The following ZGRF1 variants were observed in gnomAD, a reference collection of about 807,000 sequenced individuals.
ZGRF1 encodes 5'-3' DNA helicase ZGRF1.
In ZGRF1, 196 loss-of-function variants were observed where a neutral mutation model predicts 203.5. The observed-to-expected ratio is 0.96, with a 90% CI of 0.86 to 1.08. ZGRF1 has a LOEUF of 1.08. ZGRF1 is among the 50% of genes least tolerant of loss of function. The probability of loss-of-function intolerance (pLI) is 0.00; values close to 1 mark genes in which losing one functional copy is unlikely to be tolerated. For missense variants in ZGRF1, 2,326 were observed against 2,416.3 expected (o/e 0.96, Z 0.78); for synonymous variants, 809 against 841.3 (o/e 0.96, Z 0.66).
At position 112,587,672 on chromosome 4, in the gene ZGRF1, C is replaced by A; in HGVS notation, c.3385G>T (p.Glu1129Ter). 1 of 1,613,158 alleles carries A rather than the reference C, an allele frequency of 6.2e-7. No individual in the cohort carries two copies. Among genetic ancestry groups the A allele is most frequent in the Non-Finnish European group, 8.5e-7 (1 of 1,179,518 alleles). The change falls in exon 12 of 28, where the codon GAA becomes TAA. Residue 1129 changes from glutamate (E) to a stop codon, truncating the protein, a stop_gained. Transcript: ENST00000505019. LOFTEE classifies it high-confidence loss of function. The stretch of plus-strand genomic sequence containing the variant: ...AGTGAAACATCCCCTGGATTCACTT[C>A]CCTAGATTCTTCAGAGAAAAAGGTT... The part of the protein sequence containing the change: ...NETFFSEESR[E>*]VNPGDVSLNN...
chr4:112,553,623 T>A (rs1560747808), intron 22 of ZGRF1, among the ~76,000 whole-genome samples: 1 of 152,234 alleles, frequency 6.6e-6, no homozygotes, highest in Non-Finnish European at 1.5e-5. Context: ...GTGAGTTGGA[T>A]CTATTCACGA....
intron 11 of ZGRF1, among the ~76,000 whole-genome samples, chr4:112,589,222 G>C (rs1747732454): frequency 6.6e-6 from 1 of 152,150 alleles, no homozygotes; most frequent in Non-Finnish European, 1.5e-5. Flanking sequence ...TATTCATCAA[G>C]AAGCAGAAGC....
Position 112,541,149 on chromosome 4 carries a change from G to C in ZGRF1, c.5718C>G (p.Ser1906Arg). 1 of 1,609,792 alleles carries C rather than the reference G, an allele frequency of 6.2e-7. No homozygotes were observed. Among genetic ancestry groups the C allele is most frequent in the South Asian group, 1.1e-5 (1 of 90,162 alleles). Residue 1906 changes from serine to arginine, a missense_variant, in exon 25 of 28, where the codon AGC becomes AGG. Transcript: ENST00000505019. ...GGGTTGGTAGCCATTCCAATAAAGG[G>C]CTCCGCTCTATTTCTGTTACACCAT... Reference protein sequence around the residue: ...LMNGVTEIERSPLLEWLPTLC... With the variant: ...LMNGVTEIERRPLLEWLPTLC...
In ZGRF1 at chr4:112,618,692, T is replaced by C. The variant is rs1247837042; in HGVS notation, c.1350A>G (p.Lys450=). Residue 450 remains lysine, a synonymous_variant, in exon 6 of 28, where the codon AAA becomes AAG. Coordinates refer to ENST00000505019, the MANE Select transcript of ZGRF1 (RefSeq NM_018392.5). The part of the protein sequence containing the change: ...PFNQNDKGCI[K]GSVLIKENAQ... The stretch of plus-strand genomic sequence containing the variant: ...CATTTTCTTTAATGAGAACTGATCC[T>C]TTAATGCACCCCTTGTCATTTTGAT... 2.5e-6 allele frequency: 4 copies of C among 1,612,404 alleles called. No individual in the cohort carries two copies. The highest frequency in any genetic ancestry group is 3.4e-6 in the Non-Finnish European group (4 of 1,179,608).
At chr4:112,632,939 G>C (rs1422831626) in intron 2 of ZGRF1, among the ~76,000 whole-genome samples, 1 of 152,232 alleles carries the variant, frequency 6.6e-6, no homozygotes, top group Non-Finnish European at 1.5e-5. Flanking sequence ...GTAGGTAACA[G>C]ATAGGGTTAC....
chr4:112,622,986 C>T (rs1565010), intron 4 of ZGRF1, among the ~76,000 whole-genome samples: 145,424 of 152,104 alleles, frequency 0.96, 69,563 homozygotes, highest in East Asian at 1. Context: ...CTCTCCGTTT[C>T]TCAGTAGGCT....
At chr4:112,557,727 G>C (rs1002989864) in intron 20 of ZGRF1, among the ~76,000 whole-genome samples, 2 of 152,194 alleles carry the variant, frequency 1.3e-5, no homozygotes, top group African/African-American at 4.8e-5. Flanking sequence ...CCTGCTCTTT[G>C]TCCTGGAGGG....
chr4:112,578,659 T>C (rs1745667153), intron 16 of ZGRF1, among the ~76,000 whole-genome samples: 1 of 123,028 alleles, frequency 8.1e-6, no homozygotes, highest in African/African-American at 2.8e-5. Context: ...GCAAATAAAC[T>C]AGAACATCTA....
chr4:112,541,830 A>T (rs1737679965), intron 24 of ZGRF1, among the ~76,000 whole-genome samples: 1 of 152,018 alleles, frequency 6.6e-6, no homozygotes, highest in South Asian at 2.1e-4. Flanking sequence ...CCTGGCCAAC[A>T]TTATGCTTTT....
rs372746292 is a variant in ZGRF1, at chr4:112,618,188, A to G, written c.1854T>C (p.Tyr618=). ...TLPSQFCDKT[Y]VGFDMGICKT... is the part of the protein sequence containing the mutation. ...TACATATTCCCATGTCAAAACCCAC[A>G]TAAGTTTTATCACAAAACTGTGATG... Residue 618 remains tyrosine (Y), a synonymous_variant, in exon 6 of 28, where the codon TAT becomes TAC. Coordinates refer to ENST00000505019, the MANE Select transcript of ZGRF1 (RefSeq NM_018392.5). 51 of 1,613,748 alleles carry G rather than the reference A, an allele frequency of 3.2e-5. No individual in the cohort carries two copies. The highest frequency in any genetic ancestry group is 5.3e-5 in the African/African-American group (4 of 74,920).
At chr4:112,588,794 CAGT>C (rs1170918274) in intron 11 of ZGRF1, among the ~76,000 whole-genome samples, 1 of 152,090 alleles carries the variant, frequency 6.6e-6, no homozygotes, top group African/African-American at 2.4e-5. Flanking sequence ...AGTAGCAGAG[CAGT>C]AGGTGAGCCA....
intron 15 of ZGRF1, among the ~76,000 whole-genome samples, chr4:112,582,295 T>C (rs1342361696): frequency 6.6e-6 from 1 of 152,044 alleles, no homozygotes; most frequent in Admixed American, 6.6e-5. Flanking sequence ...TTCCTTTTTT[T>C]TTTTTTTTTA....
chr4:112,584,699 CCA>C (rs1746867908), intron 14 of ZGRF1, among the ~76,000 whole-genome samples: 1 of 152,118 alleles, frequency 6.6e-6, no homozygotes, highest in South Asian at 2.1e-4. Flanking sequence ...ATATTTTAGT[CCA>C]CAGTTATATC....
chr4:112,626,737 G>A (rs140654444), intron 3 of ZGRF1, among the ~76,000 whole-genome samples: 2 of 152,200 alleles, frequency 1.3e-5, no homozygotes, highest in African/African-American at 4.8e-5. Context: ...TCCTTCCAGA[G>A]ATCTGGGTCT....
Position 112,585,712 on chromosome 4 carries a change from T to C in ZGRF1, c.3930A>G (p.Ile1310Met). The C allele has an allele frequency of 6.5e-7, 1 of 1,545,282 alleles. No individual in the cohort carries two copies. Among genetic ancestry groups the C allele is most frequent in the South Asian group, 1.2e-5 (1 of 80,956 alleles). Residue 1310 changes from isoleucine to methionine, a missense_variant, in exon 14 of 28, where the codon ATA becomes ATG. Coordinates refer to ENST00000505019, the MANE Select transcript of ZGRF1 (RefSeq NM_018392.5). Reference sequence around the variant, plus strand: ...GGTTTTGTGCTAACCCAAACAGCAATATATTTAGATGTTCTACAAAAAAAA... The same window carrying C: ...GGTTTTGTGCTAACCCAAACAGCAACATATTTAGATGTTCTACAAAAAAAA... ...FTSCLIEHLN[I>M]LLFGLAQNLQ...
intron 1 of ZGRF1, among the ~76,000 whole-genome samples, chr4:112,635,799 AC>A (rs1578521077): frequency 6.6e-6 from 1 of 151,858 alleles, no homozygotes. Context: ...CAGATTAGGA[AC>A]CCAGTATTTA....
At chr4:112,563,326 T>C in intron 16 of ZGRF1, 52 bp from the exon 17 acceptor site, 1 of 1,351,360 alleles carries the variant, frequency 7.4e-7, no homozygotes, top group Non-Finnish European at 1.0e-6. Context: ...AGTATGGTTT[T>C]ATATTTTTAG....
In ZGRF1 at chr4:112,619,675, G is replaced by A. The variant is rs954347143; in HGVS notation, c.367C>T (p.Arg123Cys). The A allele has an allele frequency of 8.7e-6, 14 of 1,603,344 alleles. No homozygotes were observed. Among genetic ancestry groups the A allele is most frequent in the African/African-American group, 8.1e-5 (6 of 74,218 alleles). The part of the protein sequence containing the change: ...KRKFTGFQGP[R>C]QVPKKMVIME... ...ATAACCATTTTCTTTGGAACCTGAC[G>A]TGGTCCTTGAAAACCCTGAAAATAT... is the stretch of plus-strand genomic sequence containing the variant. Residue 123 changes from arginine to cysteine, a missense_variant, in exon 6 of 28, where the codon CGT becomes TGT. By Grantham distance (180) the Arg-to-Cys change is radical. Coordinates refer to ENST00000505019, the MANE Select transcript of ZGRF1 (RefSeq NM_018392.5).
At chr4:112,574,033 C>A (rs1578323355) in intron 16 of ZGRF1, among the ~76,000 whole-genome samples, 1 of 152,266 alleles carries the variant, frequency 6.6e-6, no homozygotes. Flanking sequence ...TGAGTACAAA[C>A]TGATAGAGCC....
Sources: gnomAD v4.1 joint callset for allele counts (sites outside exome capture counted in the v4.1 genomes callset) on GRCh38, gnomAD v4.1.1 for gene constraint, MANE v1.5 for transcripts, NCBI Gene and HGNC (gene_info 2026-07-23, HGNC 2026-07-21) for gene names.